PMFBP1: variants seen among roughly 807,000 people sequenced by gnomAD.
The protein encoded by PMFBP1 is polyamine-modulated factor 1-binding protein 1.
In PMFBP1, 131 loss-of-function variants were observed where a neutral mutation model predicts 137.8. The observed-to-expected ratio is 0.95, with a 90% confidence interval of 0.82 to 1.10. The LOEUF (loss-of-function observed/expected upper bound fraction) is 1.10. PMFBP1 is among the 50% of genes least tolerant of loss of function. PMFBP1 has a pLI of 0.00. For missense variants in PMFBP1, 1,199 were observed against 1,175.4 expected (o/e 1.02, Z -0.29); for synonymous variants, 490 against 450.4 (o/e 1.09, Z -1.11).
chr16:72,118,734 A>G (rs2042333139), downstream of PMFBP1, among the ~76,000 whole-genome samples: 1 of 147,962 alleles, frequency 6.8e-6, no homozygotes, highest in Non-Finnish European at 1.5e-5. Flanking sequence ...TGTTAGAAGG[A>G]GGAATGGAAT....
upstream of PMFBP1, among the ~76,000 whole-genome samples, chr16:72,175,471 C>G (rs1383636823): frequency 6.6e-6 from 1 of 152,176 alleles, no homozygotes; most frequent in African/African-American, 2.4e-5. Flanking sequence ...GACTCCCTCC[C>G]CAAGGAACTG....
At chr16:72,192,519 G>C in the PMFBP1 span, among the ~76,000 whole-genome samples, 11 of 152,088 alleles carry the variant, frequency 7.2e-5, no homozygotes, top group Non-Finnish European at 1.2e-4. Context: ...AATACAATGG[G>C]CCAAGCATTA....
chr16:72,140,719 A>C (rs1248312186), intron 5 of PMFBP1, 137 bp from the exon 6 acceptor site: 9 of 800,436 alleles, frequency 1.1e-5, no homozygotes, highest in Non-Finnish European at 1.7e-5. Flanking sequence ...TTCCTTAACA[A>C]AACAAAAAAT....
chr16:72,147,726 T>G (rs1050303296), intron 5 of PMFBP1, among the ~76,000 whole-genome samples: 3 of 152,096 alleles, frequency 2.0e-5, no homozygotes, highest in Non-Finnish European at 4.4e-5. Context: ...GAACAGACAC[T>G]TCTCAAAAGA....
chr16:72,149,710 A>G (rs1025353907), intron 5 of PMFBP1, among the ~76,000 whole-genome samples: 5 of 152,084 alleles, frequency 3.3e-5, no homozygotes, highest in Non-Finnish European at 5.9e-5. Flanking sequence ...GTAGTCCCAG[A>G]TACTCTGGAG....
At chr16:72,190,682 G>A in the PMFBP1 span, among the ~76,000 whole-genome samples, 3 of 152,184 alleles carry the variant, frequency 2.0e-5, no homozygotes. Flanking sequence ...TGAGAGAGAG[G>A]TGGGGTTGGG....
chr16:72,246,740 C>T, the PMFBP1 span, among the ~76,000 whole-genome samples: 5 of 151,944 alleles, frequency 3.3e-5, no homozygotes, highest in South Asian at 2.1e-4. Flanking sequence ...CCCTTCTTAA[C>T]GAGGAAGCTT....
At chr16:72,226,221 C>G in the PMFBP1 span, among the ~76,000 whole-genome samples, 1 of 152,128 alleles carries the variant, frequency 6.6e-6, no homozygotes, top group Non-Finnish European at 1.5e-5. Context: ...TCTTTGGTTA[C>G]TAGATTATTC....
Position 72,125,269 on chromosome 16 carries a change from A to G in PMFBP1, c.2390T>C (p.Leu797Pro). 6.8e-6 allele frequency: 11 copies of G among 1,613,978 alleles called. 1 individual carries two copies. In the South Asian group the frequency reaches 1.2e-4, roughly 18 times the overall value. Reference protein sequence around the residue: ...MKKLNTELRKLRGFHQESELE... With the variant: ...MKKLNTELRKPRGFHQESELE... ...CTCACTCTCCTGGTGGAAGCCCCGCAGTTTTCTTAATTCCGTATTGAGCTT... is the reference window on the plus strand; with the variant it reads ...CTCACTCTCCTGGTGGAAGCCCCGCGGTTTTCTTAATTCCGTATTGAGCTT... Residue 797 changes from leucine to proline, a missense_variant, in exon 16 of 21, where the codon CTG becomes CCG. Leu to Pro is a moderately conservative substitution (Grantham distance 98, BLOSUM62 -3). Coordinates refer to ENST00000237353, the MANE Select transcript of PMFBP1 (RefSeq NM_031293.3).
chr16:72,176,560 G>A (rs2043260125), upstream of PMFBP1, among the ~76,000 whole-genome samples: 1 of 152,180 alleles, frequency 6.6e-6, no homozygotes, highest in Non-Finnish European at 1.5e-5. Flanking sequence ...GTAGTGCACA[G>A]CTCTTTGTTC....
chr16:72,233,151 A>G, the PMFBP1 span, among the ~76,000 whole-genome samples: 1 of 152,186 alleles, frequency 6.6e-6, no homozygotes, highest in Non-Finnish European at 1.5e-5. Context: ...AACCCCCCCA[A>G]TAGTAAGGGA....
intron 5 of PMFBP1, among the ~76,000 whole-genome samples, chr16:72,148,790 T>C (rs561418981): frequency 1.3e-5 from 2 of 152,344 alleles, no homozygotes; most frequent in South Asian, 2.1e-4. Context: ...TGGTGGAGAC[T>C]GTGCTGGGCC....
At chr16:72,169,852 A>G (rs1003545588) in intron 2 of PMFBP1, among the ~76,000 whole-genome samples, 2 of 152,194 alleles carry the variant, frequency 1.3e-5, no homozygotes, top group Admixed American at 6.5e-5. Flanking sequence ...TGCATTGGTA[A>G]ATACAATGTA....
At chr16:72,173,668 A>T (rs113723631), upstream of PMFBP1, among the ~76,000 whole-genome samples, 1 of 152,234 alleles carries the variant, frequency 6.6e-6, no homozygotes, top group Non-Finnish European at 1.5e-5. Flanking sequence ...GTGTTATATG[A>T]TAAGTTTTTG....
the PMFBP1 span, among the ~76,000 whole-genome samples, chr16:72,244,594 GT>G: frequency 2.6e-5 from 4 of 152,182 alleles, no homozygotes; most frequent in Admixed American, 2.0e-4. Flanking sequence ...AGAGCAATGG[GT>G]GGTTAAGACA....
intron 10 of PMFBP1, among the ~76,000 whole-genome samples, chr16:72,132,486 G>C (rs1291309732): frequency 2.0e-5 from 3 of 152,202 alleles, no homozygotes; most frequent in Admixed American, 6.5e-5. Flanking sequence ...TGGCCAGGAA[G>C]GGCCAGGGTC....
At chr16:72,129,354 A>G in intron 12 of PMFBP1, 121 bp from the exon 13 acceptor site, 1 of 1,135,226 alleles carries the variant, frequency 8.8e-7, no homozygotes, top group Non-Finnish European at 1.2e-6. Flanking sequence ...CCTTAGTTAT[A>G]TAGCATATGT....
At chr16:72,150,415 A>G (rs967685273) in intron 5 of PMFBP1, among the ~76,000 whole-genome samples, 193 bp downstream of exon 5, 3 of 152,186 alleles carry the variant, frequency 2.0e-5, no homozygotes, top group Non-Finnish European at 2.9e-5. Flanking sequence ...AAGAGCCTCA[A>G]AATTGTGAAG....
chr16:72,199,712 A>G, the PMFBP1 span, among the ~76,000 whole-genome samples: 1 of 152,076 alleles, frequency 6.6e-6, no homozygotes, highest in Non-Finnish European at 1.5e-5. Flanking sequence ...TCAGAAAAAA[A>G]AAAGGTAGTT....
Sources: gnomAD v4.1 joint callset for allele counts (sites outside exome capture counted in the v4.1 genomes callset) on GRCh38, gnomAD v4.1.1 for gene constraint, MANE v1.5 for transcripts, NCBI Gene and HGNC (gene_info 2026-07-23, HGNC 2026-07-21) for gene names.